SLA: variants seen among roughly 807,000 people sequenced by gnomAD.
The protein encoded by SLA is Src like adaptor, also known as src-like-adapter.
Under a neutral mutation model 30.3 loss-of-function variants are expected in SLA, and 16 were observed. The observed-to-expected ratio is 0.53, with a 90% CI of 0.36 to 0.80. SLA has a LOEUF of 0.80. Ranked by LOEUF, SLA falls within the 30% of genes least tolerant of loss-of-function variation. The probability of loss-of-function intolerance (pLI) is 0.01; values close to 1 mark genes in which losing one functional copy is unlikely to be tolerated. For synonymous variants in SLA, 143 were observed against 137.8 expected, an observed-to-expected ratio of 1.04 and a Z score of -0.26; for missense variants, 310 against 345.2, an observed-to-expected ratio of 0.90 and a Z score of 0.81.
At chr8:133,063,860 C>T (rs1842729462) in intron 2 of SLA, 1 of 152,196 alleles carries the variant, frequency 6.6e-6, no homozygotes. Flanking sequence ...GAAAATGCCC[C>T]CAGAGAATGA....
At position 133,041,381 on chromosome 8, in the gene SLA, C is replaced by T. The variant is rs551636545; in HGVS notation, c.485-1251G>A. Among the ~76,000 whole-genome samples, 14 of 152,322 alleles carry T rather than the reference C, an allele frequency of 9.2e-5. 1 individual carries two copies. Among genetic ancestry groups the T allele is most frequent in the Non-Finnish European group, 1.9e-4 (13 of 68,022 alleles). On this transcript the variant is annotated intron_variant, in intron 7 of 8. Coordinates refer to ENST00000338087, the MANE Select transcript of SLA (RefSeq NM_001045556.3). ...CAGGGCGGGCAAGCCAGGAAGACCT[C>T]GTTTCATGGTTTTCAGTCCGACTTC... is the stretch of plus-strand genomic sequence containing the variant.
intron 2 of SLA, among the ~76,000 whole-genome samples, chr8:133,065,768 T>TAATAAAATAAAATAAAATAA (rs60174705): frequency 9.3e-5 from 14 of 150,808 alleles, no homozygotes; most frequent in African/African-American, 2.9e-4. Context: ...GTCTCAAAAA[T>TAATAAAATAAAATAAAATAA]AATAAAATAA....
intron 2 of SLA, among the ~76,000 whole-genome samples, chr8:133,069,650 A>G (rs1189357995): frequency 6.6e-6 from 1 of 151,704 alleles, no homozygotes; most frequent in Non-Finnish European, 1.5e-5. Flanking sequence ...GTTTGTTTCT[A>G]CTCTCGGCTG....
At chr8:133,067,263 C>T (rs1843170329) in intron 2 of SLA, among the ~76,000 whole-genome samples, 1 of 152,136 alleles carries the variant, frequency 6.6e-6, no homozygotes. Flanking sequence ...TCCTCTAGGG[C>T]AGGTGCAGCC....
chr8:133,042,459 C>A (rs1454338257), intron 7 of SLA, among the ~76,000 whole-genome samples: 3 of 152,020 alleles, frequency 2.0e-5, no homozygotes, highest in African/African-American at 7.2e-5. Flanking sequence ...GCATGGTATA[C>A]TTTAGGTGCC....
chr8:133,057,573 C>T (rs1841676322), intron 3 of SLA, among the ~76,000 whole-genome samples: 1 of 152,120 alleles, frequency 6.6e-6, no homozygotes, highest in Non-Finnish European at 1.5e-5. Context: ...TGTTCCAGAT[C>T]TCTGGGGCAG....
intron 1 of SLA, chr8:133,096,242 C>T: frequency 1.9e-6 from 3 of 1,614,232 alleles, no homozygotes; most frequent in South Asian, 1.1e-5. Context: ...CTACTGGGGT[C>T]CTGTGATCGA....
Position 133,060,142 on chromosome 8 carries a change from A to T in SLA, c.19T>A (p.Ser7Thr). Reference protein sequence around the residue: MGNSMKSTPAPAERPLP... With the variant: MGNSMKTTPAPAERPLP... ...GGCCTCTCGGCAGGCGCAGGGGTGG[A>T]TTTCATGCTGTTTCCCATTTCTTTC... The change falls in exon 3 of 9, where the codon TCC (serine) becomes ACC (threonine). Residue 7 changes from serine to threonine, a missense_variant. Coordinates refer to ENST00000338087, the MANE Select transcript of SLA (RefSeq NM_001045556.3). The T allele has an allele frequency of 6.2e-7, 1 of 1,612,420 alleles. No homozygotes were observed. Among genetic ancestry groups the T allele is most frequent in the Non-Finnish European group, 8.5e-7 (1 of 1,179,476 alleles).
chr8:133,078,167 T>C (rs932374522), intron 1 of SLA, among the ~76,000 whole-genome samples: 3 of 152,160 alleles, frequency 2.0e-5, no homozygotes, highest in African/African-American at 7.2e-5. Context: ...CTCTCCACCA[T>C]CATACACGTG....
chr8:133,065,083 C>G (rs139227391), intron 2 of SLA, among the ~76,000 whole-genome samples: 1 of 152,272 alleles, frequency 6.6e-6, no homozygotes, highest in Non-Finnish European at 1.5e-5. Context: ...TTCATATAAC[C>G]TTCTTCTAAG....
At chr8:133,073,503 AG>A in intron 2 of SLA, among the ~76,000 whole-genome samples, 1 of 152,110 alleles carries the variant, frequency 6.6e-6, no homozygotes, top group Non-Finnish European at 1.5e-5. Flanking sequence ...CTGGGATTAC[AG>A]GCACCCGCCA....
At chr8:133,077,404 G>A (rs1314117240) in intron 1 of SLA, among the ~76,000 whole-genome samples, 1 of 152,162 alleles carries the variant, frequency 6.6e-6, no homozygotes, top group Non-Finnish European at 1.5e-5. Flanking sequence ...GTCATTGGGT[G>A]ACTGAAGGGT....
chr8:133,045,221 G>C, intron 6 of SLA, 106 bp from the exon 7 acceptor site: 1 of 1,154,076 alleles, frequency 8.7e-7, no homozygotes, highest in Admixed American at 2.0e-5. Context: ...CCCACCCTTG[G>C]GATACAACAG....
chr8:133,075,387 A>G (rs1844707849), intron 1 of SLA, among the ~76,000 whole-genome samples: 1 of 152,164 alleles, frequency 6.6e-6, no homozygotes, highest in Admixed American at 6.5e-5. Context: ...TGGACCCCAG[A>G]GCAATGCTTT....
Position 133,054,562 on chromosome 8 carries a change from T to TA in SLA, c.62-3648dup, listed in dbSNP as rs1841008805. Among the ~76,000 whole-genome samples the TA allele has an allele frequency of 2.6e-5, 4 of 152,228 alleles. No homozygotes were observed. In the South Asian group the frequency reaches 8.3e-4, roughly 31 times the overall value. On this transcript the variant is annotated intron_variant, in intron 3 of 8. Transcript: ENST00000338087. Reference sequence around the variant, plus strand: ...AGGGCCTGCCTTAGTAAGTGGAAGCTAATATTATTTTCATGGAGAGCGGGG... The same window carrying TA: ...AGGGCCTGCCTTAGTAAGTGGAAGCTAAATATTATTTTCATGGAGAGCGGGG...
At chr8:133,081,143 G>A (rs912537981) in intron 1 of SLA, among the ~76,000 whole-genome samples, 1 of 152,234 alleles carries the variant, frequency 6.6e-6, no homozygotes, top group Non-Finnish European at 1.5e-5. Context: ...CTGGTCTAGC[G>A]CAAGGCGCAT....
intron 1 of SLA, among the ~76,000 whole-genome samples, chr8:133,078,100 A>G (rs1845180947): frequency 6.6e-6 from 1 of 152,204 alleles, no homozygotes; most frequent in Admixed American, 6.5e-5. Flanking sequence ...TCTGGTACAC[A>G]TCTAAGAAGC....
chr8:133,062,840 A>G (rs966868959), intron 2 of SLA, among the ~76,000 whole-genome samples: 9 of 152,170 alleles, frequency 5.9e-5, no homozygotes, highest in Non-Finnish European at 8.8e-5. Context: ...TGTGACACGC[A>G]CAGGGTGTCT....
intron 1 of SLA, among the ~76,000 whole-genome samples, chr8:133,083,788 T>A (rs916666263): frequency 6.6e-6 from 1 of 152,184 alleles, no homozygotes; most frequent in South Asian, 2.1e-4. Context: ...CTAAGCAGGC[T>A]CACGGACTCA....
Sources: allele counts gnomAD v4.1 joint callset (sites outside exome capture counted in the v4.1 genomes callset), GRCh38; gene constraint gnomAD v4.1.1; transcripts MANE v1.5; gene names NCBI Gene and HGNC (gene_info 2026-07-23, HGNC 2026-07-21).